The following ANXA4 variants were observed in gnomAD, a reference collection of about 807,000 sequenced individuals.
ANXA4 encodes annexin A4, also known as 35-beta calcimedin.
ANXA4 carries 39 observed loss-of-function variants against 49.8 expected under a neutral mutation model. The ratio of observed to expected loss-of-function variants is 0.78; its 90% CI spans 0.61 to 1.02. The LOEUF (loss-of-function observed/expected upper bound fraction) is 1.02. Ranked by LOEUF, ANXA4 falls within the 50% of genes least tolerant of loss-of-function variation. The probability of loss-of-function intolerance (pLI) is 0.00; values close to 1 mark genes in which losing one functional copy is unlikely to be tolerated. For synonymous variants in ANXA4, 134 were observed against 152.5 expected (o/e 0.88, Z 0.89); for missense variants, 360 against 410.1 (o/e 0.88, Z 1.05).
chr2:69,658,406 A>G (rs1676586392), intron 2 of ANXA4, among the ~76,000 whole-genome samples: 1 of 151,642 alleles, frequency 6.6e-6, no homozygotes, highest in Admixed American at 6.6e-5. Context: ...TCTCAAAAAA[A>G]AAAAAAAAAA....
intron 2 of ANXA4, among the ~76,000 whole-genome samples, chr2:69,665,401 C>A (rs1418246910): frequency 6.6e-6 from 1 of 152,122 alleles, no homozygotes; most frequent in Non-Finnish European, 1.5e-5. Context: ...GGCAGCCAGG[C>A]AACACACTCT....
intron 1 of ANXA4, among the ~76,000 whole-genome samples, chr2:69,650,617 A>C (rs766119508): frequency 2.0e-5 from 3 of 151,956 alleles, no homozygotes; most frequent in Non-Finnish European, 4.4e-5. Context: ...CAGCCAGCTA[A>C]TTATTTCTTA....
At chr2:69,757,044 A>G (rs1671065305) in intron 1 of ANXA4, among the ~76,000 whole-genome samples, 1 of 148,670 alleles carries the variant, frequency 6.7e-6, no homozygotes, top group African/African-American at 2.5e-5. Flanking sequence ...CTTCTGCCTC[A>G]GCTTTCCGAC....
chr2:69,806,609 C>G, intron 5 of ANXA4, 111 bp downstream of exon 5: 1 of 778,024 alleles, frequency 1.3e-6, no homozygotes, highest in Non-Finnish European at 2.2e-6. Context: ...AAACGCCCAT[C>G]AATGGTAGAC....
At chr2:69,679,294 C>A (rs1029372230) in intron 2 of ANXA4, among the ~76,000 whole-genome samples, 1 of 152,062 alleles carries the variant, frequency 6.6e-6, no homozygotes, top group African/African-American at 2.4e-5. Context: ...TGCCACCATG[C>A]CTGGCTAATT....
chr2:69,754,558 C>G (rs994402673), intron 1 of ANXA4, among the ~76,000 whole-genome samples: 1 of 152,176 alleles, frequency 6.6e-6, no homozygotes, highest in African/African-American at 2.4e-5. Flanking sequence ...CCATGCATGG[C>G]CTGGAGGCTT....
intron 2 of ANXA4, among the ~76,000 whole-genome samples, chr2:69,711,958 G>A (rs1678690844): frequency 6.6e-6 from 1 of 152,016 alleles, no homozygotes; most frequent in Admixed American, 6.6e-5. Context: ...AGGAGAGCAA[G>A]AAATTGAGAA....
rs185758790 is a variant in ANXA4, at chr2:69,789,587, C to T, written c.97+1446C>T. On this transcript the variant is annotated intron_variant, in intron 3 of 12. Transcript: ENST00000394295. ...TTTAATAGGCAAAAGAAAAGAACAG[C>T]TCTCCATCACAGAGAGGGGTCCCGA... Among the ~76,000 whole-genome samples the T allele has an allele frequency of 2.7e-3, 411 of 152,146 alleles. 1 individual carries two copies. The highest frequency in any genetic ancestry group is 9.3e-3 in the African/African-American group (387 of 41,478).
intron 2 of ANXA4, among the ~76,000 whole-genome samples, chr2:69,784,915 A>G (rs1363660024): frequency 1.3e-5 from 2 of 152,180 alleles, no homozygotes; most frequent in African/African-American, 4.8e-5. Context: ...CACCAGTCGT[A>G]TTGGATTAGG....
intron 1 of ANXA4, among the ~76,000 whole-genome samples, chr2:69,771,231 A>G (rs545877541): frequency 1.9e-4 from 29 of 152,254 alleles, no homozygotes; most frequent in African/African-American, 7.0e-4. Flanking sequence ...GCAACCATGG[A>G]ACAAGGGAGT....
intron 1 of ANXA4, among the ~76,000 whole-genome samples, chr2:69,748,200 C>A (rs1288730358): frequency 1.3e-5 from 2 of 151,568 alleles, no homozygotes; most frequent in Admixed American, 1.3e-4. Flanking sequence ...ATGGTGAAAC[C>A]CCGTCTCTAC....
intron 3 of ANXA4, among the ~76,000 whole-genome samples, chr2:69,730,193 A>C (rs74908112): frequency 0.048 from 7,362 of 152,188 alleles, 537 homozygotes; most frequent in African/African-American, 0.16. Flanking sequence ...TTAAAAAAAA[A>C]AAAATTCTGT....
At chr2:69,647,374 T>C (rs1676044968) in intron 1 of ANXA4, among the ~76,000 whole-genome samples, 1 of 148,290 alleles carries the variant, frequency 6.7e-6, no homozygotes, top group African/African-American at 2.5e-5. Context: ...TATTGTTTTA[T>C]TGTTTTATTT....
intron 1 of ANXA4, among the ~76,000 whole-genome samples, chr2:69,758,136 C>T (rs555640438): frequency 1.3e-5 from 2 of 152,094 alleles, no homozygotes; most frequent in Non-Finnish European, 2.9e-5. Flanking sequence ...CCTCAGCATC[C>T]GGCATAGCTG....
Position 69,810,584 on chromosome 2 carries a change from C to T in ANXA4, c.398-10C>T. 1.2e-6 allele frequency: 2 copies of T among 1,612,600 alleles called. No homozygotes were observed. The highest frequency in any genetic ancestry group is 1.7e-4 in the Middle Eastern group (1 of 6,060). On this transcript the variant is annotated splice_polypyrimidine_tract_variant and intron_variant, in intron 6 of 12. Coordinates refer to ENST00000394295, the MANE Select transcript of ANXA4 (RefSeq NM_001153.5). ...TAATTCTGAAGTAGCTAATTTCACT[C>T]TCTTGCTAGAATATGGACGGAGCCT...
intron 2 of ANXA4, among the ~76,000 whole-genome samples, chr2:69,672,944 G>A (rs905856026): frequency 3.3e-5 from 5 of 151,876 alleles, no homozygotes; most frequent in African/African-American, 1.2e-4. Flanking sequence ...TTAGAGAAAT[G>A]CAAATCAAAA....
At chr2:69,650,552 G>A (rs1676194367) in intron 1 of ANXA4, among the ~76,000 whole-genome samples, 1 of 151,792 alleles carries the variant, frequency 6.6e-6, no homozygotes, top group Non-Finnish European at 1.5e-5. Flanking sequence ...CATAACCTGA[G>A]GCTTTCAAGG....
chr2:69,729,537 G>A (rs1211413095), intron 3 of ANXA4, among the ~76,000 whole-genome samples: 1 of 152,228 alleles, frequency 6.6e-6, no homozygotes, highest in East Asian at 1.9e-4. Flanking sequence ...TGCTACAGGT[G>A]TCTGGTGGAT....
intron 2 of ANXA4, among the ~76,000 whole-genome samples, chr2:69,675,859 T>TA (rs2105349796): frequency 6.6e-6 from 1 of 151,832 alleles, no homozygotes; most frequent in East Asian, 1.9e-4. Context: ...CTGTCTCTAC[T>TA]AAAAATACAA....
Sources: gnomAD v4.1 joint callset for allele counts (sites outside exome capture counted in the v4.1 genomes callset) on GRCh38, gnomAD v4.1.1 for gene constraint, MANE v1.5 for transcripts, NCBI Gene and HGNC (gene_info 2026-07-23, HGNC 2026-07-21) for gene names.